The following BCKDHB variants were observed in gnomAD, a reference collection of about 807,000 sequenced individuals.
BCKDHB encodes branched chain keto acid dehydrogenase E1 subunit beta.
Under a neutral mutation model 48.5 loss-of-function variants are expected in BCKDHB, and 41 were observed. The ratio of observed to expected loss-of-function variants is 0.85; its 90% CI spans 0.66 to 1.10. The LOEUF (loss-of-function observed/expected upper bound fraction) is 1.10. BCKDHB is among the 50% of genes least tolerant of loss of function. BCKDHB has a pLI of 0.00. For missense variants in BCKDHB, 496 were observed against 494.2 expected, an observed-to-expected ratio of 1.00 and a Z score of -0.03; for synonymous variants, 201 against 174.8, an observed-to-expected ratio of 1.15 and a Z score of -1.18.
the BCKDHB span, among the ~76,000 whole-genome samples, chr6:80,448,467 G>A: frequency 6.6e-6 from 1 of 152,156 alleles, no homozygotes; most frequent in Non-Finnish European, 1.5e-5. Flanking sequence ...CATCAGGAGA[G>A]AGCTAACGGT....
chr6:80,364,651 C>G, the BCKDHB span, among the ~76,000 whole-genome samples: 58,297 of 152,044 alleles, frequency 0.38, 12,427 homozygotes, highest in East Asian at 0.66. Flanking sequence ...TTATCAGGAG[C>G]CTTAAACTCA....
chr6:80,392,905 A>C, the BCKDHB span, among the ~76,000 whole-genome samples: 9 of 147,914 alleles, frequency 6.1e-5, no homozygotes, highest in African/African-American at 2.3e-4. Context: ...ACTTAGTCTA[A>C]ATAACATACT....
At chr6:80,377,282 T>C in the BCKDHB span, among the ~76,000 whole-genome samples, 1 of 152,164 alleles carries the variant, frequency 6.6e-6, no homozygotes, top group South Asian at 2.1e-4. Flanking sequence ...ATTCAAGTGA[T>C]CTGTCCTCCT....
chr6:80,263,151 G>C (rs138664138), intron 8 of BCKDHB, among the ~76,000 whole-genome samples: 35 of 151,878 alleles, frequency 2.3e-4, no homozygotes, highest in African/African-American at 6.8e-4. Context: ...TAAGATTTTT[G>C]TGCCTCTGTT....
chr6:80,360,681 G>GA, the BCKDHB span, among the ~76,000 whole-genome samples: 1 of 151,948 alleles, frequency 6.6e-6, no homozygotes, highest in Non-Finnish European at 1.5e-5. Context: ...TTTATTTAAG[G>GA]AATCTAATTT....
Position 80,248,009 on chromosome 6 carries a change from A to G in BCKDHB, c.952-25126A>G, listed in dbSNP as rs1050168823. Among the ~76,000 whole-genome samples the G allele has an allele frequency of 2.4e-4, 36 of 152,248 alleles. 2 individuals are homozygous for G. Among genetic ancestry groups the G allele is most frequent in the Admixed American group, 6.5e-5 (1 of 15,278 alleles). On this transcript the variant is annotated intron_variant, in intron 8 of 9. Coordinates refer to ENST00000320393, the MANE Select transcript of BCKDHB (RefSeq NM_183050.4). ...ACCTGCTTGCCTCAGAGTTTTTGAA[A>G]GAACAAAATAATACATGTGATTGTT...
chr6:80,347,997 A>G (rs1770283851), downstream of BCKDHB, among the ~76,000 whole-genome samples: 2 of 152,184 alleles, frequency 1.3e-5, no homozygotes, highest in Non-Finnish European at 1.5e-5. Context: ...ACATGGATCT[A>G]TAAACTAATT....
At chr6:80,442,182 C>T in the BCKDHB span, among the ~76,000 whole-genome samples, 3 of 151,990 alleles carry the variant, frequency 2.0e-5, no homozygotes, top group Non-Finnish European at 2.9e-5. Context: ...AGTTAGTGTT[C>T]GTAATGATAA....
intron 8 of BCKDHB, among the ~76,000 whole-genome samples, chr6:80,214,123 C>G (rs755498325): frequency 6.6e-6 from 1 of 151,968 alleles, no homozygotes; most frequent in Non-Finnish European, 1.5e-5. Context: ...GGAATGGAGA[C>G]GATCAGGGAG....
chr6:80,190,933 C>T (rs1773864345), intron 6 of BCKDHB, among the ~76,000 whole-genome samples: 1 of 152,124 alleles, frequency 6.6e-6, no homozygotes. Flanking sequence ...CGTTGTTCCA[C>T]AGTGTAGATG....
chr6:80,432,850 T>C, the BCKDHB span, among the ~76,000 whole-genome samples: 2 of 152,178 alleles, frequency 1.3e-5, no homozygotes, highest in African/African-American at 4.8e-5. Context: ...TAGTGACCTA[T>C]GGATGGGGTC....
intron 9 of BCKDHB, among the ~76,000 whole-genome samples, chr6:80,286,579 G>A (rs1766636361): frequency 6.6e-6 from 1 of 152,138 alleles, no homozygotes; most frequent in Non-Finnish European, 1.5e-5. Flanking sequence ...CAAACTCTTA[G>A]CCTTAAGTTA....
intron 3 of BCKDHB, among the ~76,000 whole-genome samples, chr6:80,159,078 C>G (rs1772191324): frequency 6.6e-6 from 1 of 152,140 alleles, no homozygotes; most frequent in Non-Finnish European, 1.5e-5. Flanking sequence ...TTTGGTAACT[C>G]TAATAATAAG....
chr6:80,217,134 C>T (rs1466791454), intron 8 of BCKDHB, among the ~76,000 whole-genome samples: 6 of 151,986 alleles, frequency 3.9e-5, no homozygotes, highest in East Asian at 1.9e-4. Flanking sequence ...CCCAGCTACT[C>T]GGGAGGCTGG....
At chr6:80,148,845 A>G (rs1562087958) in intron 3 of BCKDHB, among the ~76,000 whole-genome samples, 2 of 152,110 alleles carry the variant, frequency 1.3e-5, no homozygotes, top group Non-Finnish European at 2.9e-5. Context: ...CTTAAATGTT[A>G]GACCTAAAAC....
At chr6:80,346,736 G>A (rs1437308611), downstream of BCKDHB, among the ~76,000 whole-genome samples, 1 of 152,172 alleles carries the variant, frequency 6.6e-6, no homozygotes, top group African/African-American at 2.4e-5. Flanking sequence ...GACTCTGACA[G>A]GAGGAAACCT....
At chr6:80,203,965 T>TGTATG (rs3840388) in intron 8 of BCKDHB, among the ~76,000 whole-genome samples, 1 of 151,318 alleles carries the variant, frequency 6.6e-6, no homozygotes, top group African/African-American at 2.4e-5. Context: ...TCTAGCTACA[T>TGTATG]GTAAATTATA....
chr6:80,168,094 A>G (rs1562103182), intron 4 of BCKDHB, among the ~76,000 whole-genome samples: 1 of 152,014 alleles, frequency 6.6e-6, no homozygotes, highest in Non-Finnish European at 1.5e-5. Flanking sequence ...ATCCTGGGCA[A>G]CATAATGATA....
chr6:80,240,716 G>T (rs370627816), intron 8 of BCKDHB, among the ~76,000 whole-genome samples: 1 of 152,290 alleles, frequency 6.6e-6, no homozygotes, highest in Admixed American at 6.5e-5. Context: ...AATAGGAGTG[G>T]TGAGAGAGGG....
Sources: gnomAD v4.1 joint callset for allele counts (sites outside exome capture counted in the v4.1 genomes callset) on GRCh38, gnomAD v4.1.1 for gene constraint, MANE v1.5 for transcripts, NCBI Gene and HGNC (gene_info 2026-07-23, HGNC 2026-07-21) for gene names.